The following ENTREP2 variants were observed in gnomAD, a reference collection of about 807,000 sequenced individuals.
ENTREP2 encodes endosomal transmembrane epsin interactor 2.
At chr15:29,342,693 C>A in the ENTREP2 span, among the ~76,000 whole-genome samples, 2 of 152,138 alleles carry the variant, frequency 1.3e-5, no homozygotes, top group African/African-American at 4.8e-5. Flanking sequence ...AGGTGACATA[C>A]AATATCTTAC....
At chr15:29,633,873 C>T in the ENTREP2 span, among the ~76,000 whole-genome samples, 2 of 152,188 alleles carry the variant, frequency 1.3e-5, no homozygotes, top group Non-Finnish European at 2.9e-5. Flanking sequence ...GCGAGAGAAT[C>T]GCTTGAACCC....
At chr15:29,135,307 T>C in the ENTREP2 span, among the ~76,000 whole-genome samples, 6,381 of 152,180 alleles carry the variant, frequency 0.042, 435 homozygotes, top group African/African-American at 0.15. The surrounding 1 kb of genome is among the most constrained non-coding windows in gnomAD (Gnocchi z 7.4). Context: ...GCAATGTTCA[T>C]GGATGATATC....
the ENTREP2 span, among the ~76,000 whole-genome samples, chr15:29,419,858 A>G: frequency 1.3e-5 from 2 of 152,188 alleles, no homozygotes; most frequent in East Asian, 3.8e-4. Flanking sequence ...AAGCTAAAAT[A>G]AAAATGTTTC....
At chr15:29,380,331 G>A in the ENTREP2 span, among the ~76,000 whole-genome samples, 1 of 152,094 alleles carries the variant, frequency 6.6e-6, no homozygotes, top group Admixed American at 6.5e-5. Context: ...CTCTCATGAA[G>A]GAAGAGGTGT....
chr15:29,575,286 A>G, the ENTREP2 span, among the ~76,000 whole-genome samples: 1 of 152,208 alleles, frequency 6.6e-6, no homozygotes, highest in Non-Finnish European at 1.5e-5. Flanking sequence ...CTAAAGAAAG[A>G]TATTATCATT....
the ENTREP2 span, among the ~76,000 whole-genome samples, chr15:29,674,128 T>TAGG: frequency 2.2e-5 from 1 of 46,150 alleles, no homozygotes; most frequent in African/African-American, 6.2e-5. Context: ...CTGCAGAGGA[T>TAGG]GGGGGGGGGG....
At chr15:29,195,821 G>A in the ENTREP2 span, among the ~76,000 whole-genome samples, 12 of 152,202 alleles carry the variant, frequency 7.9e-5, no homozygotes, top group African/African-American at 2.9e-4. Context: ...CACTGCGCCC[G>A]GCTTGTGCCA....
the ENTREP2 span, among the ~76,000 whole-genome samples, chr15:29,294,869 G>A: frequency 2.0e-5 from 3 of 152,198 alleles, no homozygotes; most frequent in African/African-American, 7.2e-5. Flanking sequence ...GAACAATTTG[G>A]CATCTTGGAA....
chr15:29,665,551 G>A, the ENTREP2 span, among the ~76,000 whole-genome samples: 2,255 of 152,296 alleles, frequency 0.015, 51 homozygotes, highest in African/African-American at 0.051. Context: ...GAGGAAAACT[G>A]GGTTGTGCTC....
the ENTREP2 span, among the ~76,000 whole-genome samples, chr15:29,212,110 C>T: frequency 6.6e-6 from 1 of 151,812 alleles, no homozygotes; most frequent in Non-Finnish European, 1.5e-5. Context: ...TGGTCCTGGA[C>T]TTTTTTTTGT....
At chr15:29,203,359 G>A in the ENTREP2 span, among the ~76,000 whole-genome samples, 1 of 152,148 alleles carries the variant, frequency 6.6e-6, no homozygotes, top group Non-Finnish European at 1.5e-5. Flanking sequence ...CTGAGATCGC[G>A]CCACTGCACT....
At chr15:29,141,347 C>G in the ENTREP2 span, among the ~76,000 whole-genome samples, 1 of 152,220 alleles carries the variant, frequency 6.6e-6, no homozygotes, top group African/African-American at 2.4e-5. Context: ...CCCTGAGAAG[C>G]ACCATTGCTC....
At chr15:29,338,432 A>G in the ENTREP2 span, among the ~76,000 whole-genome samples, 1 of 151,692 alleles carries the variant, frequency 6.6e-6, no homozygotes, top group Admixed American at 6.6e-5. Flanking sequence ...TCTCAAAAAA[A>G]AAAAAAAAAG....
the ENTREP2 span, among the ~76,000 whole-genome samples, chr15:29,158,387 A>C: frequency 9.2e-3 from 1,347 of 146,594 alleles, 18 homozygotes; most frequent in African/African-American, 0.031. Flanking sequence ...TTTTTGGCTT[A>C]AATGACATTA....
chr15:29,609,606 T>C, the ENTREP2 span: 6 of 149,698 alleles, frequency 4.0e-5, no homozygotes, highest in African/African-American at 1.5e-4. Flanking sequence ...CATCTGTTTA[T>C]TATAGATTGC....
chr15:29,145,643 A>AAAAC, the ENTREP2 span, among the ~76,000 whole-genome samples: 7 of 151,130 alleles, frequency 4.6e-5, no homozygotes, highest in Non-Finnish European at 7.4e-5. Context: ...AAAAAAAAAA[A>AAAAC]AACAACCAAC....
the ENTREP2 span, chr15:29,613,168 G>A: frequency 2.5e-5 from 4 of 157,800 alleles, no homozygotes; most frequent in East Asian, 5.6e-4. Flanking sequence ...CAGGGAGACC[G>A]ATTTGAGCTA....
At chr15:29,411,636 T>C in the ENTREP2 span, among the ~76,000 whole-genome samples, 3 of 152,258 alleles carry the variant, frequency 2.0e-5, no homozygotes, top group African/African-American at 2.4e-5. Context: ...GCTTTCTTCG[T>C]GATGTCTTTC....
chr15:29,417,906 C>T, the ENTREP2 span, among the ~76,000 whole-genome samples: 15 of 152,226 alleles, frequency 9.9e-5, no homozygotes, highest in African/African-American at 3.4e-4. Flanking sequence ...CATTTGATCA[C>T]ACCATCAGTA....
Sources: allele counts gnomAD v4.1 joint callset (sites outside exome capture counted in the v4.1 genomes callset), GRCh38; gene constraint gnomAD v4.1.1; non-coding constraint Gnocchi (gnomAD v3.1); transcripts MANE v1.5; gene names NCBI Gene and HGNC (gene_info 2026-07-23, HGNC 2026-07-21).